Variants in KAZN observed in about 807,000 individuals in gnomAD.
KAZN encodes the protein kazrin, periplakin interacting protein.
Under a neutral mutation model 87.4 loss-of-function variants are expected in KAZN, and 40 were observed. The ratio of observed to expected loss-of-function variants is 0.46; its 90% CI spans 0.36 to 0.60. The LOEUF is 0.60. Among genes scored for constraint, KAZN ranks in the 20% least tolerant of loss-of-function variants. The pLI, the probability that KAZN is intolerant of heterozygous loss-of-function variation, is 0.00. For synonymous variants in KAZN, 466 were observed against 458.3 expected (o/e 1.02, Z -0.22); for missense variants, 898 against 1,073.9 (o/e 0.84, Z 2.29).
At chr1:14,567,632 A>G (rs1674622395) in intron 2 of KAZN, among the ~76,000 whole-genome samples, 1 of 152,194 alleles carries the variant, frequency 6.6e-6, no homozygotes. Flanking sequence ...ATGTTTACAA[A>G]CCTCTCTTTT....
rs555818440 is a variant in KAZN, at chr1:14,184,013, C to T, written c.249+3421C>T. Among the ~76,000 whole-genome samples the T allele has an allele frequency of 1.1e-3, 172 of 152,206 alleles. No homozygotes were observed. Among genetic ancestry groups the T allele is most frequent in the African/African-American group, 4.0e-3 (165 of 41,544 alleles). On this transcript the variant is annotated intron_variant, in intron 2 of 16. Coordinates refer to the KAZN transcript ENST00000636203. This position sits in a 1 kb window ranked among gnomAD's most constrained non-coding sequence, Gnocchi z 4.2. ...GAGCTTGCTTTAAGGGAGGCTGAAT[C>T]GTTGGTATACCCTTCCCAGAGGTCC...
At chr1:14,661,040 T>C (rs1025112340) in intron 1 of KAZN, among the ~76,000 whole-genome samples, 1 of 152,306 alleles carries the variant, frequency 6.6e-6, no homozygotes, top group South Asian at 2.1e-4. Context: ...TAAGTGTTCG[T>C]TGAGCTTTGA....
chr1:13,989,974 T>G (rs992121440), intron 1 of KAZN, among the ~76,000 whole-genome samples: 1 of 152,208 alleles, frequency 6.6e-6, no homozygotes, highest in East Asian at 1.9e-4. Flanking sequence ...GACTTTTCCC[T>G]TGCAGGAAAA....
intron 1 of KAZN, among the ~76,000 whole-genome samples, chr1:13,905,753 G>T (rs1396126699): frequency 2.0e-5 from 3 of 152,124 alleles, no homozygotes; most frequent in African/African-American, 7.2e-5. Context: ...CTATCACTCT[G>T]GTTTTCAGTT....
intron 1 of KAZN, among the ~76,000 whole-genome samples, chr1:14,868,787 T>A (rs1444572715): frequency 1.3e-5 from 2 of 151,730 alleles, no homozygotes; most frequent in Non-Finnish European, 1.5e-5. Flanking sequence ...AAGGCTGCAG[T>A]GAGCTATGAT....
At chr1:14,756,210 G>GACA (rs1296930219) in intron 1 of KAZN, among the ~76,000 whole-genome samples, 4 of 152,326 alleles carry the variant, frequency 2.6e-5, no homozygotes, top group African/African-American at 9.6e-5. Flanking sequence ...CATCTGAGCG[G>GACA]ACATCCTGCT....
intron 1 of KAZN, among the ~76,000 whole-genome samples, chr1:14,681,642 T>C (rs1640626580): frequency 1.5e-4 from 2 of 13,568 alleles, no homozygotes; most frequent in Admixed American, 1.2e-3. Context: ...TATATATATA[T>C]ATATATATAT....
At chr1:14,907,643 G>A (rs142036623) in intron 1 of KAZN, among the ~76,000 whole-genome samples, 216 of 152,156 alleles carry the variant, frequency 1.4e-3, no homozygotes, top group Non-Finnish European at 2.4e-3. Context: ...AGCTGCTTCC[G>A]GAAAGAAGTC....
chr1:14,762,734 A>T (rs1362972757), intron 1 of KAZN, among the ~76,000 whole-genome samples: 1 of 151,916 alleles, frequency 6.6e-6, no homozygotes, highest in South Asian at 2.1e-4. Context: ...CAAAAAAAAA[A>T]AAAGAAAGAA....
intron 2 of KAZN, among the ~76,000 whole-genome samples, chr1:14,214,792 G>C (rs1223067460): frequency 6.6e-6 from 1 of 152,206 alleles, no homozygotes; most frequent in Non-Finnish European, 1.5e-5. Context: ...CTGGGGAGTT[G>C]ACTTAATTTA....
chr1:14,739,413 T>C (rs999623589), intron 1 of KAZN, among the ~76,000 whole-genome samples: 3 of 152,024 alleles, frequency 2.0e-5, no homozygotes, highest in African/African-American at 7.2e-5. Flanking sequence ...AGACGGGCAG[T>C]GTCCTGTGGT....
At chr1:14,473,580 C>A (rs558736627) in intron 2 of KAZN, among the ~76,000 whole-genome samples, 2 of 149,698 alleles carry the variant, frequency 1.3e-5, no homozygotes, top group African/African-American at 2.5e-5. Flanking sequence ...TGGCCGAGAT[C>A]GTGCCACAAG....
exon 1 of KAZN, chr1:13,893,619 G>A: frequency 6.5e-7 from 1 of 1,548,844 alleles, no homozygotes; most frequent in East Asian, 2.4e-5. Context: ...ACACTCCAAG[G>A]GTCTGGACGC....
chr1:14,203,089 A>G (rs1447774306), intron 2 of KAZN, among the ~76,000 whole-genome samples: 4 of 152,008 alleles, frequency 2.6e-5, no homozygotes, highest in Admixed American at 6.6e-5. Context: ...TCTTATGATA[A>G]AAAGTATGTT....
intron 1 of KAZN, among the ~76,000 whole-genome samples, chr1:14,034,080 T>C (rs977954280): frequency 6.6e-6 from 1 of 152,238 alleles, no homozygotes; most frequent in African/African-American, 2.4e-5. Context: ...TTATTACCTA[T>C]ACTAAGAATG....
At chr1:14,542,844 G>A (rs545726699) in intron 2 of KAZN, among the ~76,000 whole-genome samples, 2 of 152,310 alleles carry the variant, frequency 1.3e-5, no homozygotes, top group East Asian at 1.9e-4. Context: ...TGTTGCTTAA[G>A]GTCATAGTCA....
At chr1:14,967,986 A>G (rs1664637469) in intron 2 of KAZN, among the ~76,000 whole-genome samples, 1 of 152,200 alleles carries the variant, frequency 6.6e-6, no homozygotes, top group South Asian at 2.1e-4. Context: ...TCCACGGACC[A>G]GGTGTCCGGG....
intron 11 of KAZN, among the ~76,000 whole-genome samples, chr1:15,102,930 G>A (rs1187535441): frequency 6.6e-6 from 1 of 152,224 alleles, no homozygotes; most frequent in African/African-American, 2.4e-5. Flanking sequence ...GTCTGCCAAG[G>A]AGGCACGTGT....
At chr1:15,039,265 A>G (rs966242181) in intron 3 of KAZN, among the ~76,000 whole-genome samples, 1 of 152,094 alleles carries the variant, frequency 6.6e-6, no homozygotes, top group Non-Finnish European at 1.5e-5. Context: ...ACTTAGGTAA[A>G]GTCTCAGGCC....
Sources: gnomAD v4.1 joint callset for allele counts (sites outside exome capture counted in the v4.1 genomes callset) on GRCh38, gnomAD v4.1.1 for gene constraint, Gnocchi (gnomAD v3.1) non-coding constraint, MANE v1.5 for transcripts, NCBI Gene and HGNC (gene_info 2026-07-23, HGNC 2026-07-21) for gene names.